The following GRIK2 variants were observed in gnomAD, a reference collection of about 807,000 sequenced individuals.
The protein encoded by GRIK2 is glutamate ionotropic receptor kainate type subunit 2.
GRIK2 carries 32 observed loss-of-function variants against 100.3 expected under a neutral mutation model. That is an observed-to-expected ratio of 0.32 (90% CI 0.24 to 0.43). The LOEUF is 0.43. Among genes scored for constraint, GRIK2 ranks in the 20% least tolerant of loss-of-function variants. GRIK2 has a pLI of 1.00. For synonymous variants in GRIK2, 417 were observed against 389.4 expected (o/e 1.07, Z -0.83); for missense variants, 843 against 1,114.9 (o/e 0.76, Z 3.47).
At chr6:101,485,915 C>CT (rs67073947) in intron 2 of GRIK2, among the ~76,000 whole-genome samples, 20,523 of 140,904 alleles carry the variant, frequency 0.15, 1,610 homozygotes, top group African/African-American at 0.22. Context: ...CACCATTGCG[C>CT]TTTTTTTTTT....
At chr6:101,782,199 G>A (rs1779139337) in intron 7 of GRIK2, among the ~76,000 whole-genome samples, 1 of 152,094 alleles carries the variant, frequency 6.6e-6, no homozygotes, top group South Asian at 2.1e-4. Context: ...CTCTGTGATG[G>A]AAACATTGCA....
intron 4 of GRIK2, 82 bp downstream of exon 4, chr6:101,626,719 C>A: frequency 8.2e-7 from 1 of 1,219,936 alleles, no homozygotes; most frequent in Non-Finnish European, 1.2e-6. Flanking sequence ...TTATTGTATT[C>A]TTATGTGCTT....
intron 2 of GRIK2, among the ~76,000 whole-genome samples, chr6:101,598,591 A>AT (rs1491345463): frequency 8.4e-6 from 1 of 119,164 alleles, no homozygotes; most frequent in Non-Finnish European, 1.8e-5. Context: ...CTCTTCCTTA[A>AT]TAAAAAAAAA....
At chr6:101,819,635 T>C (rs1015269177) in intron 10 of GRIK2, among the ~76,000 whole-genome samples, 1 of 152,146 alleles carries the variant, frequency 6.6e-6, no homozygotes, top group Non-Finnish European at 1.5e-5. Context: ...AACCTAGCCC[T>C]CTTCTTCAGT....
chr6:101,917,489 T>C (rs956595281), intron 12 of GRIK2, among the ~76,000 whole-genome samples: 3 of 151,742 alleles, frequency 2.0e-5, no homozygotes, highest in Admixed American at 6.6e-5. Flanking sequence ...ATAGTCATTC[T>C]GTGAAAGTTT....
chr6:101,824,755 G>A (rs575121832), intron 10 of GRIK2, among the ~76,000 whole-genome samples: 31 of 152,200 alleles, frequency 2.0e-4, no homozygotes, highest in South Asian at 4.1e-4. Flanking sequence ...AAACTTAGTC[G>A]TATTTTTTAT....
intron 7 of GRIK2, among the ~76,000 whole-genome samples, chr6:101,767,274 A>G (rs866405957): frequency 6.6e-6 from 1 of 152,140 alleles, no homozygotes; most frequent in Non-Finnish European, 1.5e-5. Context: ...ACAGTAATCA[A>G]TTCACCTTTT....
chr6:101,630,846 G>T (rs1279659822), intron 4 of GRIK2, among the ~76,000 whole-genome samples: 1 of 151,108 alleles, frequency 6.6e-6, no homozygotes, highest in East Asian at 1.9e-4. Context: ...ACACACATGT[G>T]CTTTTTTTTT....
rs1296462642 is a variant in GRIK2 at position 101,940,647 on chromosome 6, A to T, written c.2085+12015A>T. On this transcript the variant is annotated intron_variant, in intron 14 of 16. Coordinates refer to ENST00000369134, the MANE Select transcript of GRIK2 (RefSeq NM_021956.5). Reference sequence around the variant, plus strand: ...TACTTTTACTAGCCATTAGAGAAACACTTTAGTATTTTGTCTTATTTCCCT... The same window carrying T: ...TACTTTTACTAGCCATTAGAGAAACTCTTTAGTATTTTGTCTTATTTCCCT... Among the ~76,000 whole-genome samples, 3 of 152,090 alleles carry T rather than the reference A, an allele frequency of 2.0e-5. No individual in the cohort carries two copies. The East Asian group carries it at 5.8e-4, about 29-fold the overall frequency.
At chr6:101,846,506 G>A (rs1440304502) in intron 10 of GRIK2, among the ~76,000 whole-genome samples, 2 of 152,032 alleles carry the variant, frequency 1.3e-5, no homozygotes, top group Non-Finnish European at 2.9e-5. Context: ...TTCTGGTTTA[G>A]TATCAGGGTA....
intron 9 of GRIK2, among the ~76,000 whole-genome samples, chr6:101,807,640 A>C (rs1037387580): frequency 9.2e-5 from 14 of 151,870 alleles, no homozygotes; most frequent in African/African-American, 3.1e-4. Flanking sequence ...GAGTTGGTCT[A>C]ACAAAGCAGG....
chr6:102,006,390 A>ATATATATATATATATTTTTT (rs1315524835), intron 14 of GRIK2, among the ~76,000 whole-genome samples: 1 of 114,102 alleles, frequency 8.8e-6, no homozygotes, highest in African/African-American at 4.6e-5. Flanking sequence ...ATATATATAT[A>ATATATATATATATATTTTTT]TTTTTTTTTT....
chr6:101,783,151 C>T (rs1779205103), intron 7 of GRIK2, among the ~76,000 whole-genome samples: 2 of 152,084 alleles, frequency 1.3e-5, no homozygotes, highest in Admixed American at 6.6e-5. Context: ...AGGCAGTGCA[C>T]CCGGCCTCAA....
chr6:101,787,273 C>A (rs1388315585), intron 7 of GRIK2, among the ~76,000 whole-genome samples: 1 of 150,848 alleles, frequency 6.6e-6, no homozygotes, highest in East Asian at 1.9e-4. Flanking sequence ...TTCAATAATC[C>A]TTTGTATTAT....
At chr6:102,042,010 A>G (rs1770606533) in intron 15 of GRIK2, among the ~76,000 whole-genome samples, 2 of 151,602 alleles carry the variant, frequency 1.3e-5, no homozygotes, top group African/African-American at 4.8e-5. Flanking sequence ...CCATCAGCCA[A>G]TCAGTATATT....
At chr6:101,769,749 A>G (rs942523558) in intron 7 of GRIK2, among the ~76,000 whole-genome samples, 12 of 152,222 alleles carry the variant, frequency 7.9e-5, no homozygotes, top group African/African-American at 2.9e-4. Context: ...CTCTAAAAGA[A>G]AAGGTATTTA....
At chr6:102,033,079 T>A (rs565660226) in intron 14 of GRIK2, among the ~76,000 whole-genome samples, 2 of 151,376 alleles carry the variant, frequency 1.3e-5, no homozygotes, top group Admixed American at 6.6e-5. Flanking sequence ...ATCATTGTGT[T>A]TTGGTTTTCT....
chr6:101,616,722 G>T (rs1029646569), intron 2 of GRIK2, among the ~76,000 whole-genome samples: 2 of 151,606 alleles, frequency 1.3e-5, no homozygotes, highest in Admixed American at 6.6e-5. Flanking sequence ...TTTAAAAAAA[G>T]GACTTCAATA....
rs1482076939 is a variant in GRIK2 at position 101,707,586 on chromosome 6, G to GTATATATA, written c.951+21234_951+21235insATATATAT. On this transcript the variant is annotated intron_variant, in intron 7 of 16. Transcript: ENST00000369134. ...TATGTATATATGTGTATGTGTGTGT[G>GTATATATA]TGTGTGTGTATATATGTGTGTATAT... Among the ~76,000 whole-genome samples, 67 of 132,502 alleles carry GTATATATA rather than the reference G, an allele frequency of 5.1e-4. 1 individual carries two copies. The highest frequency in any genetic ancestry group is 2.1e-3 in the African/African-American group (66 of 31,822). 86.9% of individuals were successfully genotyped at this position (132,502 alleles called of 152,430 possible).
Sources: allele counts gnomAD v4.1 joint callset (sites outside exome capture counted in the v4.1 genomes callset), GRCh38; gene constraint gnomAD v4.1.1; transcripts MANE v1.5; gene names NCBI Gene and HGNC (gene_info 2026-07-23, HGNC 2026-07-21).